INPP5A: variants seen among roughly 807,000 people sequenced by gnomAD.
INPP5A encodes 43 kDa inositol polyphosphate 5-phophatase.
Under a neutral mutation model 65.2 loss-of-function variants are expected in INPP5A, and 14 were observed. That is an observed-to-expected ratio of 0.21 (90% CI 0.14 to 0.34). The LOEUF is 0.34. INPP5A is among the 10% of genes least tolerant of loss of function. The pLI, the probability that INPP5A is intolerant of heterozygous loss-of-function variation, is 1.00. For synonymous variants in INPP5A, 207 were observed against 208.3 expected, an observed-to-expected ratio of 0.99 and a Z score of 0.05; for missense variants, 431 against 545.6, an observed-to-expected ratio of 0.79 and a Z score of 2.09.
intron 8 of INPP5A, among the ~76,000 whole-genome samples, chr10:132,712,495 GGT>G (rs1395011567): frequency 1.3e-5 from 2 of 151,074 alleles, no homozygotes; most frequent in South Asian, 2.1e-4. Context: ...TGTCTATTTG[GGT>G]GTGTGCACAC....
intron 12 of INPP5A, among the ~76,000 whole-genome samples, chr10:132,769,380 G>A (rs1846910177): frequency 6.6e-6 from 1 of 152,202 alleles, no homozygotes; most frequent in South Asian, 2.1e-4. Flanking sequence ...GAAGGAGGCT[G>A]GCCAGACCTT....
At chr10:132,631,497 C>T (rs913262588) in intron 2 of INPP5A, among the ~76,000 whole-genome samples, 3 of 152,252 alleles carry the variant, frequency 2.0e-5, no homozygotes, top group African/African-American at 4.8e-5. Flanking sequence ...TGTCCCTCTG[C>T]GCGCCTTATC....
At chr10:132,708,485 A>T (rs745390083) in intron 7 of INPP5A, 120 bp downstream of exon 7, 3 of 978,612 alleles carry the variant, frequency 3.1e-6, no homozygotes, top group Non-Finnish European at 5.0e-6. Flanking sequence ...GAGGACCCCC[A>T]GCTGCCTGAC....
chr10:132,623,114 A>AT lies in INPP5A; in HGVS notation c.117+15168dup, dbSNP rs200321173. On this transcript the variant is annotated intron_variant, in intron 2 of 15. Transcript: ENST00000368594. Reference sequence around the variant, plus strand: ...CAGTTGCAACCAAAATCTCAGCAGGATTTTTTTTTTGTAGAACTCTATAAG... The same window carrying AT: ...CAGTTGCAACCAAAATCTCAGCAGGATTTTTTTTTTTGTAGAACTCTATAAG... Among the ~76,000 whole-genome samples the AT allele has an allele frequency of 1.8e-4, 27 of 150,716 alleles. 1 individual carries two copies. Among genetic ancestry groups the AT allele is most frequent in the East Asian group, 5.8e-4 (3 of 5,152 alleles).
intron 12 of INPP5A, among the ~76,000 whole-genome samples, chr10:132,777,061 T>G (rs888536361): frequency 2.6e-5 from 4 of 152,176 alleles, no homozygotes; most frequent in Non-Finnish European, 5.9e-5. Context: ...TCAGGGCTAC[T>G]GGCACCGCCA....
chr10:132,743,319 C>T lies in INPP5A; in HGVS notation c.733-6198C>T, dbSNP rs1293036412. ...GAGGGCAGCCCACCCACCAGCGCTG[C>T]ACTCAGCCCCAGCAGGGACCGGGCC... On this transcript the variant is annotated intron_variant, in intron 9 of 15. Coordinates refer to ENST00000368594, the MANE Select transcript of INPP5A (RefSeq NM_005539.5). Among the ~76,000 whole-genome samples, 3 of 142,332 alleles carry T rather than the reference C, an allele frequency of 2.1e-5. No homozygotes were observed. In the East Asian group the frequency reaches 6.5e-4, roughly 31 times the overall value. The allele number at this position is 142,332 out of a possible 152,430, so 93.4% of individuals were successfully genotyped here.
intron 1 of INPP5A, among the ~76,000 whole-genome samples, chr10:132,553,734 G>A (rs567869564): frequency 0.017 from 2,308 of 133,670 alleles, 22 homozygotes; most frequent in South Asian, 0.033. Context: ...ATTGGTGAAC[G>A]CCTTCTCAGA....
chr10:132,559,651 G>T (rs534053496), intron 1 of INPP5A, among the ~76,000 whole-genome samples: 9 of 147,276 alleles, frequency 6.1e-5, no homozygotes, highest in African/African-American at 2.4e-4. Context: ...TACTCAGCAC[G>T]TGTGTTCCAG....
chr10:132,596,937 A>ATGTGTGCATGTGTGCGCGCG (rs1564929032), intron 1 of INPP5A, among the ~76,000 whole-genome samples: 1 of 25,332 alleles, frequency 3.9e-5, no homozygotes, highest in African/African-American at 1.3e-4. Flanking sequence ...ATGTGCACGC[A>ATGTGTGCATGTGTGCGCGCG]TGTGTGCGTG....
chr10:132,624,503 C>T (rs947512852), intron 2 of INPP5A, among the ~76,000 whole-genome samples: 3 of 142,238 alleles, frequency 2.1e-5, no homozygotes, highest in African/African-American at 5.3e-5. Flanking sequence ...TTCCCACCGG[C>T]GTGTCTGCAC....
chr10:132,540,749 C>G (rs1186031658), intron 1 of INPP5A, among the ~76,000 whole-genome samples: 9 of 152,244 alleles, frequency 5.9e-5, no homozygotes, highest in African/African-American at 1.9e-4. Context: ...GACGAACGCA[C>G]CCTGCAGGCA....
chr10:132,719,226 G>T (rs1358748791), intron 8 of INPP5A, among the ~76,000 whole-genome samples: 14 of 107,270 alleles, frequency 1.3e-4, no homozygotes, highest in Admixed American at 2.0e-4. Context: ...GACTGTCTTG[G>T]GGGTTCTGTG....
chr10:132,583,447 C>G (rs905672164), intron 1 of INPP5A, among the ~76,000 whole-genome samples: 6 of 151,944 alleles, frequency 3.9e-5, no homozygotes, highest in African/African-American at 1.5e-4. Context: ...GGTGAGTCGG[C>G]GTGGGGAGCT....
intron 1 of INPP5A, among the ~76,000 whole-genome samples, chr10:132,564,565 G>A (rs1590832306): frequency 6.6e-6 from 1 of 152,176 alleles, no homozygotes; most frequent in East Asian, 1.9e-4. Context: ...TGGCAATGGA[G>A]GGTCGTTTCC....
chr10:132,762,535 G>C lies in INPP5A; in HGVS notation c.904-3238G>C, dbSNP rs1846752973. Reference sequence around the variant, plus strand: ...CCTTCAGAACACTGGCCACCATAAAGACAGTACCTGGCGATGGAGAGACAC... The same window carrying C: ...CCTTCAGAACACTGGCCACCATAAACACAGTACCTGGCGATGGAGAGACAC... On this transcript the variant is annotated intron_variant, in intron 11 of 15. Transcript: ENST00000368594. The surrounding 1 kb of genome is among the most constrained non-coding windows in gnomAD (Gnocchi z 4.6). Among the ~76,000 whole-genome samples, 1 of 152,144 alleles carries C rather than the reference G, an allele frequency of 6.6e-6. No homozygotes were observed. Among genetic ancestry groups the C allele is most frequent in the South Asian group, 2.1e-4 (1 of 4,828 alleles).
At chr10:132,618,430 G>A (rs2072069363) in intron 2 of INPP5A, among the ~76,000 whole-genome samples, 1 of 152,230 alleles carries the variant, frequency 6.6e-6, no homozygotes, top group Non-Finnish European at 1.5e-5. Flanking sequence ...ATAGCTCAGA[G>A]ACAACTAAAG....
intron 1 of INPP5A, among the ~76,000 whole-genome samples, chr10:132,579,421 C>G (rs963436342): frequency 1.3e-5 from 2 of 152,058 alleles, no homozygotes; most frequent in Non-Finnish European, 2.9e-5. Context: ...ACCGGTGGCT[C>G]TGGTGGGAGC....
At chr10:132,746,989 T>C (rs1846381712) in intron 9 of INPP5A, among the ~76,000 whole-genome samples, 1 of 152,204 alleles carries the variant, frequency 6.6e-6, no homozygotes, top group Non-Finnish European at 1.5e-5. Flanking sequence ...CTTCCTGGGC[T>C]CTGGGGTCCA....
intron 5 of INPP5A, among the ~76,000 whole-genome samples, chr10:132,696,022 G>A (rs940688210): frequency 2.6e-5 from 4 of 152,086 alleles, no homozygotes; most frequent in African/African-American, 4.8e-5. Context: ...GAATGGGATC[G>A]GAGCCCTCAT....
Sources: allele counts gnomAD v4.1 joint callset (sites outside exome capture counted in the v4.1 genomes callset), GRCh38; gene constraint gnomAD v4.1.1; non-coding constraint Gnocchi (gnomAD v3.1); transcripts MANE v1.5; gene names NCBI Gene and HGNC (gene_info 2026-07-23, HGNC 2026-07-21).